Variants in NEK6 observed in about 807,000 individuals in gnomAD.
NEK6 encodes NIMA related kinase 6.
Under a neutral mutation model 43.5 loss-of-function variants are expected in NEK6, and 27 were observed. That is an observed-to-expected ratio of 0.62 (90% CI 0.46 to 0.86). The LOEUF (loss-of-function observed/expected upper bound fraction) is 0.86, where lower values mean the gene tolerates loss of function less well. NEK6 is among the 40% of genes least tolerant of loss of function. The probability of loss-of-function intolerance (pLI) is 0.00; values close to 1 mark genes in which losing one functional copy is unlikely to be tolerated. For synonymous variants in NEK6, 167 were observed against 164.1 expected (o/e 1.02, Z -0.14); for missense variants, 318 against 414.4 (o/e 0.77, Z 2.02).
At chr9:124,314,427 C>G (rs1419801821) in intron 4 of NEK6, among the ~76,000 whole-genome samples, 1 of 151,904 alleles carries the variant, frequency 6.6e-6, no homozygotes, top group Non-Finnish European at 1.5e-5. Flanking sequence ...CTTTCTCATC[C>G]TCTTTCCATC....
intron 4 of NEK6, among the ~76,000 whole-genome samples, chr9:124,319,790 T>C (rs963852236): frequency 7.2e-5 from 11 of 152,224 alleles, no homozygotes; most frequent in African/African-American, 2.7e-4. Context: ...TTCTGTTCCA[T>C]TGGTCTATGT....
chr9:124,269,262 C>A (rs895345743), intron 1 of NEK6, among the ~76,000 whole-genome samples: 6 of 152,106 alleles, frequency 3.9e-5, no homozygotes, highest in Non-Finnish European at 5.9e-5. Flanking sequence ...TCCAGGCTGA[C>A]CCCATTCTGC....
At chr9:124,279,187 T>C (rs1038567486) in intron 1 of NEK6, among the ~76,000 whole-genome samples, 3 of 151,936 alleles carry the variant, frequency 2.0e-5, no homozygotes, top group Non-Finnish European at 2.9e-5. Flanking sequence ...GGAGGGTCTT[T>C]ATGGGGGCAA....
chr9:124,285,745 C>T, intron 1 of NEK6, among the ~76,000 whole-genome samples: 1 of 152,152 alleles, frequency 6.6e-6, no homozygotes, highest in East Asian at 1.9e-4. Flanking sequence ...AGGGCCGGGC[C>T]ACCAGCAGTT....
At chr9:124,313,870 G>T in intron 3 of NEK6, 53 bp from the exon 4 acceptor site, 1 of 1,601,832 alleles carries the variant, frequency 6.2e-7, no homozygotes, top group South Asian at 1.1e-5. Flanking sequence ...CCTCCTTTGG[G>T]TCACTGGACA....
intron 1 of NEK6, among the ~76,000 whole-genome samples, chr9:124,291,277 A>G (rs1169299082): frequency 6.6e-6 from 1 of 152,132 alleles, no homozygotes; most frequent in Non-Finnish European, 1.5e-5. Context: ...CTCATGGGCA[A>G]CCAAGGATTT....
chr9:124,317,917 C>G (rs895669264), intron 4 of NEK6, among the ~76,000 whole-genome samples: 5 of 152,204 alleles, frequency 3.3e-5, no homozygotes, highest in African/African-American at 1.2e-4. Context: ...CTTTATCCGG[C>G]CCACCATTTC....
At position 124,312,611 on chromosome 9, in the gene NEK6, C is replaced by T. The variant is rs1483666910; in HGVS notation, c.193C>T (p.Leu65=). 6.2e-7 allele frequency: 1 copy of T among 1,613,968 alleles called. No homozygotes were observed. The highest frequency in any genetic ancestry group is 1.1e-5 in the South Asian group (1 of 91,078). The change falls in exon 3 of 10, where the codon CTG becomes TTG. Residue 65 remains leucine (L), a synonymous_variant. Transcript: ENST00000320246. ...CAGCGAGGTGTACAAGGCCACCTGC[C>T]TGCTGGACAGGAAGACAGTGGCTCT... ...QFSEVYKATC[L]LDRKTVALKK... is the part of the protein sequence containing the mutation.
intron 1 of NEK6, among the ~76,000 whole-genome samples, 193 bp from the exon 2 acceptor site, chr9:124,301,743 T>G (rs1832987129): frequency 6.6e-6 from 1 of 152,184 alleles, no homozygotes; most frequent in Non-Finnish European, 1.5e-5. Context: ...TAGGACAGTC[T>G]AACAGAAGGA....
At position 124,318,828 on chromosome 9, in the gene NEK6, T is replaced by C. The variant is rs548659090; in HGVS notation, c.295-2631T>C. On this transcript the variant is annotated intron_variant, in intron 4 of 9. Coordinates refer to ENST00000320246, the MANE Select transcript of NEK6 (RefSeq NM_014397.6). ...CTGGGATTACAGGCACCCACCATCA[T>C]GCTCGGCTAATTGTTGTATTTTAGT... Among the ~76,000 whole-genome samples the C allele has an allele frequency of 5.3e-5, 8 of 152,080 alleles. No homozygotes were observed. In the South Asian group the frequency reaches 1.7e-3, roughly 32 times the overall value.
At chr9:124,265,797 T>C (rs1213228882) in intron 1 of NEK6, 1 of 152,252 alleles carries the variant, frequency 6.6e-6, no homozygotes, top group East Asian at 1.9e-4. Context: ...TAACCAGAGA[T>C]GCTTGTGCTG....
intron 1 of NEK6, among the ~76,000 whole-genome samples, chr9:124,295,800 C>T (rs1832660339): frequency 6.6e-6 from 1 of 152,212 alleles, no homozygotes; most frequent in African/African-American, 2.4e-5. Flanking sequence ...AGCCCCTGGG[C>T]TTGCGCTGAG....
chr9:124,300,380 C>T (rs758549211), intron 1 of NEK6, among the ~76,000 whole-genome samples: 8 of 152,088 alleles, frequency 5.3e-5, no homozygotes, highest in Non-Finnish European at 1.2e-4. Flanking sequence ...GGAACACCCC[C>T]GTGTTAATGG....
chr9:124,351,133 C>T lies in NEK6; in HGVS notation c.*186C>T. 1 of 560,238 alleles carries T rather than the reference C, an allele frequency of 1.8e-6. No homozygotes were observed. Among genetic ancestry groups the T allele is most frequent in the Admixed American group, 3.1e-5 (1 of 32,318 alleles). 34.7% of individuals were successfully genotyped at this position (560,238 alleles called of 1,614,324 possible). ...GCAGCTGAGGGAGGGGCGCTGGCCA[C>T]ATGTCACTGATGGTCAGATTCCAAA... On this transcript the variant is annotated 3_prime_UTR_variant, in exon 10 of 10. Coordinates refer to ENST00000320246, the MANE Select transcript of NEK6 (RefSeq NM_014397.6).
intron 4 of NEK6, among the ~76,000 whole-genome samples, chr9:124,319,436 A>G (rs1420573144): frequency 1.3e-5 from 2 of 152,122 alleles, no homozygotes; most frequent in Non-Finnish European, 2.9e-5. Context: ...TTCATTTGCC[A>G]TGCAGAAGCT....
chr9:124,283,464 C>T (rs1832015893), intron 1 of NEK6, among the ~76,000 whole-genome samples: 1 of 152,230 alleles, frequency 6.6e-6, no homozygotes, highest in African/African-American at 2.4e-5. Flanking sequence ...GGCTGCTAAG[C>T]TGCATCTCAG....
intron 1 of NEK6, among the ~76,000 whole-genome samples, chr9:124,297,443 T>C (rs763488902): frequency 1.3e-5 from 2 of 152,186 alleles, no homozygotes; most frequent in Non-Finnish European, 2.9e-5. Context: ...GGCCAGGACC[T>C]GGACTCCTGC....
At chr9:124,301,503 T>G (rs1832973316) in intron 1 of NEK6, among the ~76,000 whole-genome samples, 1 of 152,110 alleles carries the variant, frequency 6.6e-6, no homozygotes. Flanking sequence ...ACCCAGGCCT[T>G]TCTCTTCTGA....
chr9:124,339,772 C>A, intron 8 of NEK6, 107 bp downstream of exon 8: 1 of 812,326 alleles, frequency 1.2e-6, no homozygotes, highest in South Asian at 1.5e-5. Context: ...CCAGGAATGT[C>A]ACGTCTGCCT....
Sources: allele counts gnomAD v4.1 joint callset (sites outside exome capture counted in the v4.1 genomes callset), GRCh38; gene constraint gnomAD v4.1.1; transcripts MANE v1.5; gene names NCBI Gene and HGNC (gene_info 2026-07-23, HGNC 2026-07-21).